ARFGEF3: variants seen among roughly 807,000 people sequenced by gnomAD.
ARFGEF3 encodes ARFGEF family member 3.
Under a neutral mutation model 221.7 loss-of-function variants are expected in ARFGEF3, and 96 were observed. The ratio of observed to expected loss-of-function variants is 0.43; its 90% CI spans 0.37 to 0.51. The LOEUF (loss-of-function observed/expected upper bound fraction) is 0.51. Among genes scored for constraint, ARFGEF3 ranks in the 20% least tolerant of loss-of-function variants. ARFGEF3 has a pLI of 0.00. For synonymous variants in ARFGEF3, 1,145 were observed against 1,126.8 expected (o/e 1.02, Z -0.32); for missense variants, 2,410 against 2,789.9 (o/e 0.86, Z 3.07).
At position 138,334,482 on chromosome 6, in the gene ARFGEF3, A is replaced by G; in HGVS notation, c.5636A>G (p.Gln1879Arg). The G allele has an allele frequency of 6.2e-7, 1 of 1,600,372 alleles. No homozygotes were observed. The highest frequency in any genetic ancestry group is 8.5e-7 in the Non-Finnish European group (1 of 1,172,604). ...CCCCCGAGAGGCAAGGAGAAGAGAC[A>G]GTGGCGGGCACGGATGCCCTTGCTC... ...VSPPRGKEKRQWRARMPLLSV... is the reference protein window; with the variant it reads ...VSPPRGKEKRRWRARMPLLSV... Residue 1879 changes from glutamine (Q) to arginine (R), a missense_variant, in exon 33 of 34, where the codon CAG (glutamine) becomes CGG (arginine). This residue lies in a region of ARFGEF3 where 723 missense variants were observed against 991.9 expected (regional missense o/e 0.73). Transcript: ENST00000251691. This position sits in a 1 kb window ranked among gnomAD's most constrained non-coding sequence, Gnocchi z 5.1.
chr6:138,335,999 AG>A (rs1780314481), intron 33 of ARFGEF3, among the ~76,000 whole-genome samples: 1 of 149,632 alleles, frequency 6.7e-6, no homozygotes, highest in Admixed American at 6.6e-5. Context: ...TGAGAAGGCA[AG>A]GGAGGTTTGT....
rs144690544 is a variant in ARFGEF3, at chr6:138,189,851, G to A, written c.138-17191G>A. Among the ~76,000 whole-genome samples the A allele has an allele frequency of 1.4e-3, 208 of 152,244 alleles. 1 individual carries two copies. The highest frequency in any genetic ancestry group is 4.6e-3 in the African/African-American group (189 of 41,536). On this transcript the variant is annotated intron_variant, in intron 2 of 33. Transcript: ENST00000251691. The stretch of plus-strand genomic sequence containing the variant: ...TCTCAGCACTTTAGGAGGCCGAGGA[G>A]GGAGGATCGCTTGAGCCCAGGGGTT...
Position 138,313,398 on chromosome 6 carries a change from CAG to C in ARFGEF3, c.4201-394_4201-393del, listed in dbSNP as rs202193353. Among the ~76,000 whole-genome samples the C allele has an allele frequency of 8.4e-3, 1,273 of 152,314 alleles. 26 individuals carry two copies. The highest frequency in any genetic ancestry group is 0.03 in the African/African-American group (1,241 of 41,562). On this transcript the variant is annotated intron_variant, in intron 25 of 33. Transcript: ENST00000251691. ...AGGTTGAGTCAAGGGAAGGAGAAATCAGAGTCTGGTATCTCATTTGCCTGTGG... is the reference window on the plus strand; with the variant it reads ...AGGTTGAGTCAAGGGAAGGAGAAATCAGTCTGGTATCTCATTTGCCTGTGG...
intron 7 of ARFGEF3, among the ~76,000 whole-genome samples, chr6:138,244,393 A>G (rs1778447783): frequency 1.3e-5 from 2 of 152,238 alleles, no homozygotes; most frequent in Admixed American, 6.5e-5. Flanking sequence ...TTTATTTTAG[A>G]AAACAAATGC....
Position 138,199,096 on chromosome 6 carries a change from A to G in ARFGEF3, c.138-7946A>G, listed in dbSNP as rs1052224278. 4.6e-5 allele frequency among the ~76,000 whole-genome samples: 7 copies of G among 152,358 alleles called. No individual in the cohort carries two copies. In the East Asian group the frequency reaches 1.3e-3, roughly 29 times the overall value. On this transcript the variant is annotated intron_variant, in intron 2 of 33. Transcript: ENST00000251691. The stretch of plus-strand genomic sequence containing the variant: ...GTCTATTTAATATTTTTTTAAAAGA[A>G]AAGAGATGGTCTAAGTCTGCATCAC...
At chr6:138,183,834 C>T (rs181498140) in intron 2 of ARFGEF3, among the ~76,000 whole-genome samples, 2 of 152,216 alleles carry the variant, frequency 1.3e-5, no homozygotes, top group East Asian at 1.9e-4. Flanking sequence ...CCTCTGTTTC[C>T]CCAGTGTGAC....
At chr6:138,302,113 A>G (rs1466146779) in intron 22 of ARFGEF3, among the ~76,000 whole-genome samples, 1 of 152,218 alleles carries the variant, frequency 6.6e-6, no homozygotes, top group Admixed American at 6.5e-5. Context: ...CACAGAGGAA[A>G]AAACAGTGAC....
chr6:138,179,460 CTT>C (rs138552195), intron 2 of ARFGEF3, among the ~76,000 whole-genome samples: 1 of 150,218 alleles, frequency 6.7e-6, no homozygotes, highest in African/African-American at 2.4e-5. Context: ...ATTCTAACAG[CTT>C]TTTTTTTTCC....
At chr6:138,324,605 A>C (rs1227339160) in intron 31 of ARFGEF3, among the ~76,000 whole-genome samples, 1 of 152,242 alleles carries the variant, frequency 6.6e-6, no homozygotes, top group African/African-American at 2.4e-5. Context: ...ATTAAAATTC[A>C]AGTGTATTCA....
chr6:138,334,169 C>G lies in ARFGEF3; in HGVS notation c.5323C>G (p.Leu1775Val). 6.2e-7 allele frequency: 1 copy of G among 1,613,920 alleles called. No homozygotes were observed. Among genetic ancestry groups the G allele is most frequent in the Non-Finnish European group, 8.5e-7 (1 of 1,179,864 alleles). ...CTTGGCAGTCATATTCGACCTGCTG[C>G]TGGACTCTTATAGGACTGCCAGGGA... ...QNLAVIFDLLLDSYRTAREFD... is the reference protein window; with the variant it reads ...QNLAVIFDLLVDSYRTAREFD... Residue 1775 changes from leucine (L) to valine (V), a missense_variant, in exon 33 of 34, where the codon CTG (leucine) becomes GTG (valine). By Grantham distance (32) the Leu-to-Val change is conservative (BLOSUM62 1). Coordinates refer to ENST00000251691, the MANE Select transcript of ARFGEF3 (RefSeq NM_020340.5). The surrounding 1 kb of genome is among the most constrained non-coding windows in gnomAD (Gnocchi z 5.1).
chr6:138,212,793 A>G (rs1250180670), intron 4 of ARFGEF3, among the ~76,000 whole-genome samples: 2 of 152,134 alleles, frequency 1.3e-5, no homozygotes, highest in Admixed American at 6.5e-5. Flanking sequence ...ACCAAACACC[A>G]CATGTTCTCA....
chr6:138,231,558 A>T (rs1187677564), intron 5 of ARFGEF3, among the ~76,000 whole-genome samples: 2 of 152,206 alleles, frequency 1.3e-5, no homozygotes, highest in African/African-American at 2.4e-5. Context: ...CAATCCATAT[A>T]AAAAGCTTTT....
At chr6:138,212,459 G>A (rs1327736383) in intron 4 of ARFGEF3, among the ~76,000 whole-genome samples, 2 of 152,204 alleles carry the variant, frequency 1.3e-5, no homozygotes, top group African/African-American at 4.8e-5. Flanking sequence ...AGACAGTGTG[G>A]CAATTCCTCA....
chr6:138,217,769 A>G (rs1290066248), intron 4 of ARFGEF3: 5 of 597,036 alleles, frequency 8.4e-6, no homozygotes. Context: ...CTAAATTGAG[A>G]TAATAGATAA....
chr6:138,336,245 A>G (rs199798523), intron 33 of ARFGEF3, 50 bp from the exon 34 acceptor site: 2 of 1,431,518 alleles, frequency 1.4e-6, no homozygotes, highest in Admixed American at 2.4e-5. Flanking sequence ...CAAGTGTTCA[A>G]ATAAAACCAG....
Position 138,278,479 on chromosome 6 carries a change from G to T in ARFGEF3, c.2157G>T (p.Gly719=). The T allele has an allele frequency of 1.2e-6, 2 of 1,613,934 alleles. No homozygotes were observed. The part of the protein sequence containing the change: ...SGMMHSPGFD[G]NSSLSFQMLM... ...TGATGCACTCTCCTGGCTTTGACGG[G>T]AATAGCAGCCTCAGCTTCCAGATGC... The change falls in exon 13 of 34, where the codon GGG becomes GGT. Residue 719 remains glycine (G), a synonymous_variant. Coordinates refer to ENST00000251691, the MANE Select transcript of ARFGEF3 (RefSeq NM_020340.5).
At chr6:138,282,784 C>T (rs1779218576) in intron 14 of ARFGEF3, among the ~76,000 whole-genome samples, 1 of 152,202 alleles carries the variant, frequency 6.6e-6, no homozygotes, top group East Asian at 1.9e-4. Flanking sequence ...CACAGTGGCT[C>T]ACGCCAATAA....
intron 2 of ARFGEF3, among the ~76,000 whole-genome samples, chr6:138,193,083 A>C (rs537082704): frequency 6.6e-6 from 1 of 152,322 alleles, no homozygotes; most frequent in South Asian, 2.1e-4. Context: ...AAGACCCTTC[A>C]AAAGCTGGCT....
At chr6:138,233,161 A>G (rs1054364127) in intron 5 of ARFGEF3, among the ~76,000 whole-genome samples, 2 of 152,184 alleles carry the variant, frequency 1.3e-5, no homozygotes, top group African/African-American at 4.8e-5. Flanking sequence ...TTTTTCCAGT[A>G]TATTTCCATA....
Sources: allele counts gnomAD v4.1 joint callset (sites outside exome capture counted in the v4.1 genomes callset), GRCh38; gene constraint gnomAD v4.1.1; regional missense constraint gnomAD v4.1.1; non-coding constraint Gnocchi (gnomAD v3.1); transcripts MANE v1.5; gene names NCBI Gene and HGNC (gene_info 2026-07-23, HGNC 2026-07-21).